Variants in RGS7 observed in about 807,000 individuals in gnomAD.
RGS7 encodes regulator of G-protein signaling 7.
Under a neutral mutation model 81.1 loss-of-function variants are expected in RGS7, and 27 were observed. That is an observed-to-expected ratio of 0.33 (90% CI 0.25 to 0.46). RGS7 has a LOEUF of 0.46. Among genes scored for constraint, RGS7 ranks in the 20% least tolerant of loss-of-function variants. RGS7 has a pLI of 1.00. For synonymous variants in RGS7, 208 were observed against 207.7 expected, an observed-to-expected ratio of 1.00 and a Z score of -0.01; for missense variants, 396 against 607.4, an observed-to-expected ratio of 0.65 and a Z score of 3.66.
chr1:240,993,147 G>A (rs1365665799), intron 3 of RGS7, among the ~76,000 whole-genome samples: 1 of 144,150 alleles, frequency 6.9e-6, no homozygotes, highest in African/African-American at 2.6e-5. Flanking sequence ...GGAAAGGAAA[G>A]GAAAGGAGGA....
chr1:241,206,854 G>T (rs1243629630), intron 2 of RGS7, among the ~76,000 whole-genome samples: 2 of 151,484 alleles, frequency 1.3e-5, no homozygotes, highest in Non-Finnish European at 2.9e-5. Flanking sequence ...ACATTACATG[G>T]CTCACCTTTA....
At chr1:240,897,044 C>A (rs1441122476) in intron 6 of RGS7, among the ~76,000 whole-genome samples, 3 of 152,152 alleles carry the variant, frequency 2.0e-5, no homozygotes, top group Non-Finnish European at 4.4e-5. Flanking sequence ...CTCTTTGAAG[C>A]AATTGTGAAT....
chr1:240,838,770 A>ATT lies in RGS7; in HGVS notation c.610-11600_610-11599dup, dbSNP rs200280485. Reference sequence around the variant, plus strand: ...TTGAGGACAATGCTTATTTTTTATTATTTTTTTTTTTTTTGAGACAGAGTC... The same window carrying ATT: ...TTGAGGACAATGCTTATTTTTTATTATTTTTTTTTTTTTTTTGAGACAGAGTC... On this transcript the variant is annotated intron_variant, in intron 9 of 18. Transcript: ENST00000440928. Among the ~76,000 whole-genome samples the ATT allele has an allele frequency of 6.3e-3, 907 of 142,904 alleles. 7 individuals are homozygous for ATT. Among genetic ancestry groups the ATT allele is most frequent in the African/African-American group, 0.021 (808 of 39,124 alleles). 93.8% of individuals were successfully genotyped at this position (142,904 alleles called of 152,430 possible).
At chr1:240,788,585 T>C (rs992247282) in intron 18 of RGS7, among the ~76,000 whole-genome samples, 4 of 152,230 alleles carry the variant, frequency 2.6e-5, no homozygotes, top group Non-Finnish European at 2.9e-5. Flanking sequence ...TCCAGCAATC[T>C]GTGTTATCAT....
chr1:241,095,038 T>A (rs1272242746), intron 3 of RGS7, among the ~76,000 whole-genome samples: 3 of 152,186 alleles, frequency 2.0e-5, no homozygotes, highest in African/African-American at 7.2e-5. Flanking sequence ...GTAAAATTTT[T>A]TTTAAAAAGT....
chr1:240,803,027 T>A, intron 15 of RGS7, 34 bp from the exon 16 acceptor site: 1 of 1,455,288 alleles, frequency 6.9e-7, no homozygotes. Context: ...TGCTTCTTTA[T>A]GATTTCTTGG....
At chr1:241,302,415 T>G (rs1442508334) in intron 2 of RGS7, among the ~76,000 whole-genome samples, 8 of 152,068 alleles carry the variant, frequency 5.3e-5, no homozygotes, top group African/African-American at 1.9e-4. Flanking sequence ...CAGGCATGGT[T>G]GCAGGCGCCT....
intron 2 of RGS7, among the ~76,000 whole-genome samples, chr1:241,153,673 C>A (rs1338229476): frequency 6.6e-6 from 1 of 152,236 alleles, no homozygotes; most frequent in African/African-American, 2.4e-5. Flanking sequence ...CCACATCCCG[C>A]AGTGTAGACT....
chr1:241,043,066 T>A lies in RGS7; in HGVS notation c.175+55600A>T, dbSNP rs143402765. Among the ~76,000 whole-genome samples the A allele has an allele frequency of 2.4e-3, 360 of 152,288 alleles. 2 individuals carry two copies. The highest frequency in any genetic ancestry group is 8.2e-3 in the African/African-American group (341 of 41,566). ...TACAGCCAATATTTCCAATAGATAT[T>A]GTGAATAATTGTTTGCTCAAATGAC... On this transcript the variant is annotated intron_variant, in intron 3 of 18. Transcript: ENST00000440928.
intron 2 of RGS7, among the ~76,000 whole-genome samples, chr1:241,153,902 A>C (rs183803637): frequency 6.6e-6 from 1 of 152,362 alleles, no homozygotes; most frequent in Non-Finnish European, 1.5e-5. Context: ...ATTCCAGGAT[A>C]CAGTACTATG....
intron 2 of RGS7, among the ~76,000 whole-genome samples, chr1:241,277,643 C>A (rs1006553352): frequency 6.6e-6 from 1 of 151,408 alleles, no homozygotes; most frequent in African/African-American, 2.4e-5. Flanking sequence ...ATCAAGCATG[C>A]ACTTTGAACA....
At chr1:240,970,421 C>T (rs921297081) in intron 4 of RGS7, among the ~76,000 whole-genome samples, 6 of 152,138 alleles carry the variant, frequency 3.9e-5, no homozygotes, top group South Asian at 4.1e-4. Context: ...AACAGTCACT[C>T]GTTGCATTAC....
intron 6 of RGS7, among the ~76,000 whole-genome samples, chr1:240,888,807 G>A (rs1185984364): frequency 6.6e-6 from 1 of 152,090 alleles, no homozygotes; most frequent in Non-Finnish European, 1.5e-5. Context: ...GCATTAGACC[G>A]GAATCGACTC....
At chr1:241,204,508 ACT>A (rs1391722438) in intron 2 of RGS7, among the ~76,000 whole-genome samples, 1 of 152,020 alleles carries the variant, frequency 6.6e-6, no homozygotes, top group African/African-American at 2.4e-5. Flanking sequence ...AATTAAGGTA[ACT>A]CTAGCATTCT....
intron 2 of RGS7, among the ~76,000 whole-genome samples, chr1:241,247,054 C>T (rs2076582733): frequency 6.6e-6 from 1 of 152,000 alleles, no homozygotes; most frequent in East Asian, 1.9e-4. Flanking sequence ...GAGGCTGGGA[C>T]CATTGTACAT....
chr1:240,904,903 C>T (rs1670577105), intron 6 of RGS7, among the ~76,000 whole-genome samples: 2 of 152,132 alleles, frequency 1.3e-5, no homozygotes, highest in South Asian at 2.1e-4. Flanking sequence ...TGGCTAAATA[C>T]ACAAACATCA....
intron 3 of RGS7, among the ~76,000 whole-genome samples, chr1:241,050,039 T>G (rs2061163939): frequency 6.6e-6 from 1 of 152,194 alleles, no homozygotes; most frequent in Non-Finnish European, 1.5e-5. Flanking sequence ...AGTTATAGCC[T>G]TCTCCAGAGG....
chr1:241,130,944 A>AAAAAAAAC lies in RGS7; in HGVS notation c.79-32183_79-32182insGTTTTTTT, dbSNP rs1491202997. On this transcript the variant is annotated intron_variant, in intron 2 of 18. Coordinates refer to ENST00000440928, the MANE Select transcript of RGS7 (RefSeq NM_001364886.1). ...CTTAATTACAAAAAAAAAAAAAAAA[A>AAAAAAAAC]ACCAAGAGGCCAGATAATTCTACTC... Among the ~76,000 whole-genome samples, 150 of 150,194 alleles carry AAAAAAAAC rather than the reference A, an allele frequency of 1.0e-3. No individual in the cohort carries two copies. The East Asian group carries it at 0.015, about 15-fold the overall frequency.
chr1:241,139,829 C>T (rs1022743698), intron 2 of RGS7, among the ~76,000 whole-genome samples: 3 of 152,274 alleles, frequency 2.0e-5, no homozygotes, highest in South Asian at 2.1e-4. Context: ...TTTGACTATT[C>T]GCAACTGATC....
Sources: allele counts gnomAD v4.1 joint callset (sites outside exome capture counted in the v4.1 genomes callset), GRCh38; gene constraint gnomAD v4.1.1; transcripts MANE v1.5; gene names NCBI Gene and HGNC (gene_info 2026-07-23, HGNC 2026-07-21).